The following SIN3A variants were observed in gnomAD, a reference collection of about 807,000 sequenced individuals.
SIN3A encodes the protein SIN3 transcription regulator family member A.
A neutral mutation model predicts 146.1 loss-of-function variants in SIN3A; 14 were observed. The ratio of observed to expected loss-of-function variants is 0.10; its 90% CI spans 0.06 to 0.15. SIN3A has a LOEUF of 0.15. SIN3A is among the 10% of genes least tolerant of loss of function. SIN3A has a pLI of 1.00. For missense variants in SIN3A, 1,028 were observed against 1,576.0 expected (o/e 0.65, Z 5.89); for synonymous variants, 572 against 572.0 (o/e 1.00, Z 0.00).
At chr15:75,450,199 CTACTTTA>C (rs2074377468) in intron 1 of SIN3A, among the ~76,000 whole-genome samples, 1 of 152,006 alleles carries the variant, frequency 6.6e-6, no homozygotes, top group Non-Finnish European at 1.5e-5. Context: ...AAAACAAACC[CTACTTTA>C]TAAACAGACC....
At chr15:75,384,940 G>A (rs1329351911) in intron 16 of SIN3A, among the ~76,000 whole-genome samples, 5 of 152,122 alleles carry the variant, frequency 3.3e-5, no homozygotes, top group Middle Eastern at 3.2e-3. Context: ...TTGGGAGGCC[G>A]AGGTGGGCCA....
intron 16 of SIN3A, among the ~76,000 whole-genome samples, chr15:75,385,526 A>G (rs2073060988): frequency 6.6e-6 from 1 of 152,224 alleles, no homozygotes; most frequent in Non-Finnish European, 1.5e-5. Flanking sequence ...ATGTCATGCT[A>G]TTTCTATTTT....
At chr15:75,391,454 CA>C (rs2073197148) in intron 15 of SIN3A, among the ~76,000 whole-genome samples, 1 of 149,684 alleles carries the variant, frequency 6.7e-6, no homozygotes, top group Non-Finnish European at 1.5e-5. Flanking sequence ...AGCTCCTCAA[CA>C]GATAGAAAGC....
At chr15:75,407,708 T>C (rs188223799) in intron 8 of SIN3A, among the ~76,000 whole-genome samples, 56 of 151,810 alleles carry the variant, frequency 3.7e-4, no homozygotes, top group African/African-American at 1.3e-3. Context: ...CTGGCCAACA[T>C]GGTGAAACCC....
At chr15:75,455,354 C>T (rs1474636590), upstream of SIN3A, among the ~76,000 whole-genome samples, 1 of 152,182 alleles carries the variant, frequency 6.6e-6, no homozygotes, top group Non-Finnish European at 1.5e-5. Context: ...CGGCCCGGTT[C>T]TAGTCGGTGT....
chr15:75,379,173 C>G (rs1334775912), intron 19 of SIN3A, among the ~76,000 whole-genome samples: 1 of 152,224 alleles, frequency 6.6e-6, no homozygotes, highest in Non-Finnish European at 1.5e-5. Context: ...GCTGGAGTTA[C>G]AGGCGTGAGC....
chr15:75,423,345 T>C (rs1444653353), intron 2 of SIN3A, among the ~76,000 whole-genome samples: 1 of 151,998 alleles, frequency 6.6e-6, no homozygotes, highest in Non-Finnish European at 1.5e-5. Context: ...TTAAATAAAT[T>C]ACAGCCCACC....
At chr15:75,450,133 T>C (rs1425027655) in intron 1 of SIN3A, among the ~76,000 whole-genome samples, 11 of 151,608 alleles carry the variant, frequency 7.3e-5, no homozygotes, top group African/African-American at 2.4e-4. Context: ...CATTCAAAAA[T>C]ACAACTGTCA....
chr15:75,408,941 C>T lies in SIN3A; in HGVS notation c.1317+895G>A, dbSNP rs548005223. Among the ~76,000 whole-genome samples, 6 of 152,354 alleles carry T rather than the reference C, an allele frequency of 3.9e-5. No individual in the cohort carries two copies. The East Asian group carries it at 5.8e-4, about 15-fold the overall frequency. Reference sequence around the variant, plus strand: ...AGAAGGGGCCAGGCGCGGTGGCTCACGCCTGTAATTCCAGCACTTTGGGAG... The same window carrying T: ...AGAAGGGGCCAGGCGCGGTGGCTCATGCCTGTAATTCCAGCACTTTGGGAG... On this transcript the variant is annotated intron_variant, in intron 8 of 20. Coordinates refer to ENST00000394947, the MANE Select transcript of SIN3A (RefSeq NM_001145358.2).
intron 20 of SIN3A, among the ~76,000 whole-genome samples, chr15:75,374,575 C>T (rs1008817294): frequency 6.6e-6 from 1 of 152,240 alleles, no homozygotes; most frequent in African/African-American, 2.4e-5. Flanking sequence ...TGTCCCAGTG[C>T]ATCTCAAACA....
rs1387104018 is a variant in SIN3A at position 75,423,467 on chromosome 15, A to G, written c.190-644T>C. ...GCCAATGCAGGCGGATCACGAGGTCAGGAGATCGAGACCATCCTGGCTAGC... is the reference window on the plus strand; with the variant it reads ...GCCAATGCAGGCGGATCACGAGGTCGGGAGATCGAGACCATCCTGGCTAGC... On this transcript the variant is annotated intron_variant, in intron 2 of 20. Coordinates refer to ENST00000394947, the MANE Select transcript of SIN3A (RefSeq NM_001145358.2). Among the ~76,000 whole-genome samples, 4 of 152,182 alleles carry G rather than the reference A, an allele frequency of 2.6e-5. No individual in the cohort carries two copies. The East Asian group carries it at 5.8e-4, about 22-fold the overall frequency.
intron 19 of SIN3A, among the ~76,000 whole-genome samples, chr15:75,376,983 G>A (rs566768159): frequency 6.6e-5 from 10 of 151,866 alleles, no homozygotes; most frequent in African/African-American, 2.4e-4. Context: ...CCTTTCAGGA[G>A]ATCTGTGAGA....
intron 2 of SIN3A, among the ~76,000 whole-genome samples, chr15:75,426,206 C>T (rs1567394518): frequency 1.3e-5 from 2 of 152,084 alleles, no homozygotes; most frequent in African/African-American, 4.8e-5. Context: ...AAACAAGCAA[C>T]TTTTTTTTCT....
chr15:75,380,882 T>C (rs1012286880), intron 18 of SIN3A, 159 bp from the exon 19 acceptor site: 5 of 582,976 alleles, frequency 8.6e-6, no homozygotes, highest in East Asian at 2.9e-5. Flanking sequence ...TTAGTAGGTA[T>C]TGGAACACGG....
chr15:75,385,119 G>A (rs1354229351), intron 16 of SIN3A, among the ~76,000 whole-genome samples: 1 of 152,192 alleles, frequency 6.6e-6, no homozygotes, highest in African/African-American at 2.4e-5. Flanking sequence ...GTTGCAGTGA[G>A]CCGAGACTGC....
Position 75,369,589 on chromosome 15 carries a change from T to C in SIN3A, c.*2390A>G, listed in dbSNP as rs1296228695. 6.6e-6 allele frequency: 1 copy of C among 152,212 alleles called. No individual in the cohort carries two copies. Among genetic ancestry groups the C allele is most frequent in the African/African-American group, 2.4e-5 (1 of 41,430 alleles). The allele number at this position is 152,212 out of a possible 1,614,324, so 9.4% of individuals were successfully genotyped here. The stretch of plus-strand genomic sequence containing the variant: ...ATGCTACTTGTGAAAACCCAGGCTG[T>C]AGGTAAAACTTACTCTTTTGTTGGT... On this transcript the variant is annotated 3_prime_UTR_variant, in exon 21 of 21. Transcript: ENST00000394947.
intron 1 of SIN3A, among the ~76,000 whole-genome samples, chr15:75,444,129 C>T (rs554768057): frequency 1.3e-5 from 2 of 152,184 alleles, no homozygotes; most frequent in East Asian, 3.9e-4. Flanking sequence ...TTTCGATGTA[C>T]AAGTGGTAAT....
intron 9 of SIN3A, among the ~76,000 whole-genome samples, chr15:75,403,842 G>A (rs181969063): frequency 6.6e-5 from 10 of 152,176 alleles, no homozygotes; most frequent in East Asian, 1.9e-4. Flanking sequence ...CACTGCGTCC[G>A]GCCTGTTGCC....
intron 3 of SIN3A, chr15:75,415,118 G>A (rs1173035735): frequency 1.3e-5 from 2 of 152,302 alleles, no homozygotes; most frequent in East Asian, 3.9e-4. Context: ...TGGCACAAGA[G>A]CAGAAAAGAT....
Sources: allele counts gnomAD v4.1 joint callset (sites outside exome capture counted in the v4.1 genomes callset), GRCh38; gene constraint gnomAD v4.1.1; transcripts MANE v1.5; gene names NCBI Gene and HGNC (gene_info 2026-07-23, HGNC 2026-07-21).